Variants in DGKB observed in about 807,000 individuals in gnomAD.
DGKB encodes diacylglycerol kinase beta, also known as 90 kDa diacylglycerol kinase.
Under a neutral mutation model 114.3 loss-of-function variants are expected in DGKB, and 67 were observed. That is an observed-to-expected ratio of 0.59 (90% confidence interval 0.48 to 0.72). The LOEUF is 0.72. Among genes scored for constraint, DGKB ranks in the 30% least tolerant of loss-of-function variants. DGKB has a pLI of 0.00. For missense variants in DGKB, 907 were observed against 975.2 expected (o/e 0.93, Z 0.93); for synonymous variants, 398 against 323.1 (o/e 1.23, Z -2.49).
chr7:14,420,437 T>C (rs1041520043), intron 21 of DGKB, among the ~76,000 whole-genome samples: 9 of 152,028 alleles, frequency 5.9e-5, no homozygotes, highest in Non-Finnish European at 8.8e-5. Flanking sequence ...TAGAGTAAGT[T>C]TTGGTAAAAT....
intron 21 of DGKB, among the ~76,000 whole-genome samples, chr7:14,464,043 C>G (rs941225790): frequency 6.7e-6 from 1 of 149,758 alleles, no homozygotes; most frequent in Non-Finnish European, 1.5e-5. Context: ...TTTTTTTTTC[C>G]CCTAGTAAGA....
rs117451327 is a variant in DGKB at position 14,626,572 on chromosome 7, G to A, written c.1167+3664C>T. 2.4e-4 allele frequency among the ~76,000 whole-genome samples: 36 copies of A among 152,172 alleles called. No homozygotes were observed. The East Asian group carries it at 5.6e-3, about 24-fold the overall frequency. On this transcript the variant is annotated intron_variant, in intron 14 of 25. Transcript: ENST00000402815. ...CATTCAGCAGGGCTTACGAAGGTTCGGTCTGAGACACCAACTTACTAACAA... is the reference window on the plus strand; with the variant it reads ...CATTCAGCAGGGCTTACGAAGGTTCAGTCTGAGACACCAACTTACTAACAA...
chr7:14,159,599 G>A (rs998169780), intron 25 of DGKB, among the ~76,000 whole-genome samples: 2 of 152,124 alleles, frequency 1.3e-5, no homozygotes, highest in African/African-American at 4.8e-5. Flanking sequence ...TGTAACACTA[G>A]GACAAAATGT....
At chr7:14,639,967 T>A (rs935807145) in intron 13 of DGKB, among the ~76,000 whole-genome samples, 2 of 152,042 alleles carry the variant, frequency 1.3e-5, no homozygotes, top group Non-Finnish European at 1.5e-5. Flanking sequence ...ACACAGTGGG[T>A]GTTATCTACA....
chr7:14,549,921 G>T (rs567049245), intron 20 of DGKB, among the ~76,000 whole-genome samples: 2 of 152,116 alleles, frequency 1.3e-5, no homozygotes, highest in African/African-American at 4.8e-5. Context: ...CCTGGGAGGT[G>T]GAGGTTGCAG....
intron 20 of DGKB, among the ~76,000 whole-genome samples, chr7:14,535,984 C>T (rs1009379220): frequency 6.6e-6 from 1 of 151,842 alleles, no homozygotes; most frequent in South Asian, 2.1e-4. Flanking sequence ...GTGAATACAA[C>T]CAACGCCACA....
chr7:14,714,355 G>A (rs991717979), intron 6 of DGKB, among the ~76,000 whole-genome samples: 1 of 152,130 alleles, frequency 6.6e-6, no homozygotes, highest in African/African-American at 2.4e-5. Flanking sequence ...TTGTGCATAT[G>A]TGTGCAGGTC....
chr7:14,556,596 T>A (rs999478425), intron 20 of DGKB, among the ~76,000 whole-genome samples: 5 of 152,160 alleles, frequency 3.3e-5, no homozygotes, highest in African/African-American at 1.2e-4. Context: ...TTTTTTCAAT[T>A]AGTTTTTAAT....
At chr7:14,390,930 G>A (rs1821214438) in intron 21 of DGKB, among the ~76,000 whole-genome samples, 1 of 152,150 alleles carries the variant, frequency 6.6e-6, no homozygotes, top group Admixed American at 6.5e-5. Context: ...CTATGAAGCT[G>A]ACTTGTTCTG....
At chr7:14,973,081 A>AG in intron 1 of DGKB, among the ~76,000 whole-genome samples, 1 of 152,108 alleles carries the variant, frequency 6.6e-6, no homozygotes, top group South Asian at 2.1e-4. Flanking sequence ...TATAATTTGT[A>AG]GGGGAAGTAT....
intron 2 of DGKB, among the ~76,000 whole-genome samples, chr7:14,803,011 T>C (rs1333754647): frequency 6.6e-6 from 1 of 152,000 alleles, no homozygotes; most frequent in Non-Finnish European, 1.5e-5. Flanking sequence ...TAAGGAAAAT[T>C]TGGAGTAGGT....
At chr7:14,377,198 T>C (rs185837615) in intron 21 of DGKB, among the ~76,000 whole-genome samples, 2 of 152,260 alleles carry the variant, frequency 1.3e-5, no homozygotes, top group East Asian at 3.9e-4. Flanking sequence ...GTTTCCTGAT[T>C]AGGCTGTTTC....
At chr7:14,675,510 G>T (rs1238259748) in intron 12 of DGKB, among the ~76,000 whole-genome samples, 1 of 151,992 alleles carries the variant, frequency 6.6e-6, no homozygotes, top group Non-Finnish European at 1.5e-5. Flanking sequence ...TTACCAGAGT[G>T]TGTGTGAAGG....
intron 1 of DGKB, among the ~76,000 whole-genome samples, chr7:14,918,759 A>T (rs1460866269): frequency 5.3e-5 from 8 of 152,090 alleles, no homozygotes; most frequent in Admixed American, 5.2e-4. Context: ...AGATATTAAC[A>T]AAATGATTCT....
intron 10 of DGKB, 82 bp downstream of exon 10, chr7:14,685,163 C>T (rs73053284): frequency 1.2e-3 from 1,034 of 866,420 alleles, no homozygotes; most frequent in Non-Finnish European, 1.8e-3. Context: ...TCTTAGGTCT[C>T]CATTTACAAA....
intron 20 of DGKB, among the ~76,000 whole-genome samples, chr7:14,483,065 G>A (rs1783222088): frequency 6.6e-6 from 1 of 151,590 alleles, no homozygotes; most frequent in African/African-American, 2.4e-5. Context: ...TGCTATATTA[G>A]TTTTTCTATC....
At position 14,774,061 on chromosome 7, in the gene DGKB, T is replaced by C. The variant is rs549638549; in HGVS notation, c.71-16330A>G. On this transcript the variant is annotated intron_variant, in intron 2 of 25. Transcript: ENST00000402815. ...GTTTGTTTTTGCCCTGACACTCCAT[T>C]AGTGTTATTTATTCTCACTCATAGG... Among the ~76,000 whole-genome samples the C allele has an allele frequency of 2.6e-5, 4 of 152,260 alleles. No individual in the cohort carries two copies. In the Middle Eastern group the frequency reaches 0.01, roughly 388 times the overall value.
At chr7:14,279,233 C>G (rs1305916619) in intron 23 of DGKB, among the ~76,000 whole-genome samples, 4 of 121,632 alleles carry the variant, frequency 3.3e-5, no homozygotes, top group Admixed American at 7.2e-5. Flanking sequence ...AGGGTCCTAC[C>G]CCCACGGAGT....
chr7:14,629,860 T>C (rs964576259), intron 14 of DGKB, among the ~76,000 whole-genome samples: 4 of 152,118 alleles, frequency 2.6e-5, no homozygotes, highest in Non-Finnish European at 4.4e-5. Context: ...TATATTTTGA[T>C]GGCTCAAAGA....
Sources: gnomAD v4.1 joint callset for allele counts (sites outside exome capture counted in the v4.1 genomes callset) on GRCh38, gnomAD v4.1.1 for gene constraint, MANE v1.5 for transcripts, NCBI Gene and HGNC (gene_info 2026-07-23, HGNC 2026-07-21) for gene names.